Variants in LRP5 observed in about 807,000 individuals in gnomAD.
LRP5 encodes the protein low-density lipoprotein receptor-related protein 5.
LRP5 carries 62 observed loss-of-function variants against 154.1 expected under a neutral mutation model. The ratio of observed to expected loss-of-function variants is 0.40; its 90% CI spans 0.33 to 0.50. LRP5 has a LOEUF of 0.50. Ranked by LOEUF, LRP5 falls within the 20% of genes least tolerant of loss-of-function variation. The pLI, the probability that LRP5 is intolerant of heterozygous loss-of-function variation, is 0.55. For missense variants in LRP5, 1,915 were observed against 2,336.7 expected, an observed-to-expected ratio of 0.82 and a Z score of 3.72; for synonymous variants, 966 against 1,011.5, an observed-to-expected ratio of 0.96 and a Z score of 0.85.
At chr11:68,403,974 C>G (rs2098654138) in intron 8 of LRP5, 1 of 544,754 alleles carries the variant, frequency 1.8e-6, no homozygotes. Context: ...TGGCCGGGAG[C>G]CTTCGTGCCC....
intron 1 of LRP5, among the ~76,000 whole-genome samples, chr11:68,346,799 A>T (rs1194641272): frequency 6.6e-6 from 1 of 152,162 alleles, no homozygotes; most frequent in East Asian, 1.9e-4. Flanking sequence ...GGAGGCCCTT[A>T]ACCTCCTCCT....
chr11:68,302,137 A>T, the LRP5 span, among the ~76,000 whole-genome samples: 28 of 151,280 alleles, frequency 1.9e-4, no homozygotes, highest in African/African-American at 6.8e-4. Context: ...CGGGCAGATC[A>T]CTTGAGGTCA....
At chr11:68,433,962 C>A in intron 18 of LRP5, 124 bp downstream of exon 18, 1 of 925,300 alleles carries the variant, frequency 1.1e-6, no homozygotes, top group Non-Finnish European at 1.7e-6. Flanking sequence ...AGGGAGATTG[C>A]CAAGTCTGTC....
intron 7 of LRP5, among the ~76,000 whole-genome samples, chr11:68,394,339 A>T (rs890125033): frequency 6.6e-6 from 1 of 152,302 alleles, no homozygotes; most frequent in Admixed American, 6.5e-5. Context: ...CAGACAAAGC[A>T]AGAGAAATGC....
chr11:68,343,220 CA>C (rs746943374), intron 1 of LRP5, among the ~76,000 whole-genome samples: 1 of 152,204 alleles, frequency 6.6e-6, no homozygotes, highest in Non-Finnish European at 1.5e-5. Flanking sequence ...CAATCTATGT[CA>C]TTGTTGTCCA....
rs2098681455 is a variant in LRP5, at chr11:68,446,470, C to T, written c.4523C>T (p.Pro1508Leu). ...CCGCCGCCCTCCCCGGCCACGGACCCCTCCCTGTACAACATGGACATGTTC... is the reference window on the plus strand; with the variant it reads ...CCGCCGCCCTCCCCGGCCACGGACCTCTCCCTGTACAACATGGACATGTTC... The part of the protein sequence containing the change: ...LNPPPSPATD[P>L]SLYNMDMFYS... The change falls in exon 22 of 23, where the codon CCC becomes CTC. Residue 1508 changes from proline (P) to leucine (L), a missense_variant. By Grantham distance (98) the Pro-to-Leu change is moderately conservative. Coordinates refer to ENST00000294304, the MANE Select transcript of LRP5 (RefSeq NM_002335.4). The T allele has an allele frequency of 6.2e-7, 1 of 1,614,054 alleles. No homozygotes were observed. Among genetic ancestry groups the T allele is most frequent in the Non-Finnish European group, 8.5e-7 (1 of 1,180,020 alleles).
chr11:68,431,120 G>A (rs950262272), intron 17 of LRP5, among the ~76,000 whole-genome samples: 2 of 152,090 alleles, frequency 1.3e-5, no homozygotes, highest in Non-Finnish European at 1.5e-5. Context: ...ATGCCTCCAG[G>A]TGGCCTTGGA....
chr11:68,411,907 A>G (rs953248654), intron 11 of LRP5, among the ~76,000 whole-genome samples: 23 of 152,074 alleles, frequency 1.5e-4, no homozygotes, highest in African/African-American at 5.6e-4. Context: ...CAGGACTCTA[A>G]TTTCACCCTA....
In LRP5 at chr11:68,438,465, AGAC is replaced by A. The variant is rs2098676257; in HGVS notation, c.4135_4137del (p.Asp1379del). The A allele has an allele frequency of 6.2e-7, 1 of 1,614,052 alleles. No homozygotes were observed. Among genetic ancestry groups the A allele is most frequent in the South Asian group, 1.1e-5 (1 of 91,096 alleles). On this transcript the variant is annotated inframe_deletion, in exon 20 of 23. Coordinates refer to ENST00000294304, the MANE Select transcript of LRP5 (RefSeq NM_002335.4). Reference sequence around the variant, plus strand: ...TGGCAGAAATCACCAAGCCGCCCTCAGACGACAGCCCGGCCCACAGCAGTGCCA... The same window carrying A: ...TGGCAGAAATCACCAAGCCGCCCTCAGACAGCCCGGCCCACAGCAGTGCCA...
In LRP5 at chr11:68,425,094, T is replaced by C; in HGVS notation, c.3237-8T>C. 1 of 1,613,048 alleles carries C rather than the reference T, an allele frequency of 6.2e-7. No homozygotes were observed. On this transcript the variant is annotated splice_polypyrimidine_tract_variant and splice_region_variant and intron_variant, in intron 14 of 22. Coordinates refer to ENST00000294304, the MANE Select transcript of LRP5 (RefSeq NM_002335.4). The stretch of plus-strand genomic sequence containing the variant: ...CACACCCGTCCTTCACCCGCCACCC[T>C]CCCGCAGGTACCTGTACTTCACCAA...
rs374132632 is a variant in LRP5 at position 68,365,719 on chromosome 11, G to C, written c.1015+17G>C. 8.0e-5 allele frequency: 121 copies of C among 1,506,086 alleles called. 1 individual carries two copies. The African/African-American group carries it at 1.6e-3, about 20-fold the overall frequency. The allele number at this position is 1,506,086 out of a possible 1,614,324, so 93.3% of individuals were successfully genotyped here. On this transcript the variant is annotated intron_variant, in intron 5 of 22. Transcript: ENST00000294304. ...GTAAGGCAGGTGAGGCGGTGGGACG[G>C]GACGGGGCGGGCGGGCGGGGCGGGG... is the stretch of plus-strand genomic sequence containing the variant.
Position 68,413,377 on chromosome 11 carries a change from T to C in LRP5, c.2504-312T>C, listed in dbSNP as rs961906961. Among the ~76,000 whole-genome samples, 1 of 152,162 alleles carries C rather than the reference T, an allele frequency of 6.6e-6. No homozygotes were observed. Among genetic ancestry groups the C allele is most frequent in the African/African-American group, 2.4e-5 (1 of 41,420 alleles). On this transcript the variant is annotated intron_variant, in intron 11 of 22. Coordinates refer to ENST00000294304, the MANE Select transcript of LRP5 (RefSeq NM_002335.4). The surrounding 1 kb of genome is among the most constrained non-coding windows in gnomAD (Gnocchi z 5.1). ...TAATAACATGGAAGGCCTGGTCTCATTGCTGTGGGAGTGAAGGATGCACAG... is the reference window on the plus strand; with the variant it reads ...TAATAACATGGAAGGCCTGGTCTCACTGCTGTGGGAGTGAAGGATGCACAG...
intron 8 of LRP5, 109 bp downstream of exon 8, chr11:68,403,808 G>A: frequency 1.5e-6 from 2 of 1,296,862 alleles, no homozygotes; most frequent in South Asian, 2.6e-5. Flanking sequence ...CCCCGACCTG[G>A]GGAAGGGCAG....
chr11:68,327,545 T>G (rs1341106552), intron 1 of LRP5, among the ~76,000 whole-genome samples: 2 of 152,150 alleles, frequency 1.3e-5, no homozygotes, highest in Non-Finnish European at 2.9e-5. Flanking sequence ...TGGGAATTGA[T>G]CTCCCCTGTC....
chr11:68,334,586 G>A (rs1027125426), intron 1 of LRP5, among the ~76,000 whole-genome samples: 3 of 152,180 alleles, frequency 2.0e-5, no homozygotes, highest in Non-Finnish European at 2.9e-5. Flanking sequence ...GTATAAAAGT[G>A]TATGTAGGCT....
chr11:68,413,771 C>T lies in LRP5; in HGVS notation c.2586C>T (p.Asp862=), dbSNP rs751390139. ...ACAGCGATTATATCTACTGGACAGA[C>T]TGGAATCTGCACAGCATTGAGCGGG... ...TQYSDYIYWT[D]WNLHSIERAD... The change falls in exon 12 of 23, where the codon GAC becomes GAT. Residue 862 remains aspartate (D), a synonymous_variant. Transcript: ENST00000294304. This position sits in a 1 kb window ranked among gnomAD's most constrained non-coding sequence, Gnocchi z 5.1. The T allele has an allele frequency of 1.2e-6, 2 of 1,613,396 alleles. No individual in the cohort carries two copies. Among genetic ancestry groups the T allele is most frequent in the South Asian group, 2.2e-5 (2 of 91,088 alleles).
chr11:68,397,358 C>T (rs561458996), intron 7 of LRP5, among the ~76,000 whole-genome samples: 80 of 152,268 alleles, frequency 5.3e-4, no homozygotes, highest in African/African-American at 1.3e-3. Flanking sequence ...CTGAGGCCCA[C>T]GCTCCAGTGC....
intron 8 of LRP5, among the ~76,000 whole-genome samples, chr11:68,404,674 G>A (rs1024757666): frequency 9.9e-5 from 15 of 152,106 alleles, no homozygotes; most frequent in African/African-American, 3.4e-4. Context: ...TTAAAAACGC[G>A]TTCATGCTGG....
At chr11:68,389,617 G>A (rs1290036600) in intron 6 of LRP5, among the ~76,000 whole-genome samples, 19 of 151,932 alleles carry the variant, frequency 1.3e-4, no homozygotes, top group East Asian at 7.7e-4. Context: ...GACATTTACC[G>A]ACACTGACAT....
Sources: allele counts gnomAD v4.1 joint callset (sites outside exome capture counted in the v4.1 genomes callset), GRCh38; gene constraint gnomAD v4.1.1; non-coding constraint Gnocchi (gnomAD v3.1); transcripts MANE v1.5; gene names NCBI Gene and HGNC (gene_info 2026-07-23, HGNC 2026-07-21).